PAK3: variants seen among roughly 807,000 people sequenced by gnomAD.
PAK3 encodes serine/threonine-protein kinase PAK 3.
PAK3 carries 4 observed loss-of-function variants against 41.0 expected under a neutral mutation model. The observed-to-expected ratio is 0.10, with a 90% CI of 0.05 to 0.22. The LOEUF is 0.22. Among genes scored for constraint, PAK3 ranks in the 10% least tolerant of loss-of-function variants. The probability of loss-of-function intolerance (pLI) is 1.00; values close to 1 mark genes in which losing one functional copy is unlikely to be tolerated. For synonymous variants in PAK3, 146 were observed against 139.6 expected, an observed-to-expected ratio of 1.05 and a Z score of -0.32; for missense variants, 205 against 409.9, an observed-to-expected ratio of 0.50 and a Z score of 4.32.
chrX:111,163,126 G>A, intron 9 of PAK3, 80 bp downstream of exon 9: 1 of 945,491 alleles, frequency 1.1e-6, no homozygotes, highest in Non-Finnish European at 1.5e-6. Flanking sequence ...TAGTTAATCA[G>A]CTAGTACCTA....
intron 1 of PAK3, among the ~76,000 whole-genome samples, chrX:111,001,316 A>G (rs990157909): frequency 8.9e-5 from 10 of 112,267 alleles, no homozygotes; most frequent in African/African-American, 3.2e-4. Flanking sequence ...GCAGGGAAGT[A>G]AAATCGCTGA....
At chrX:111,004,290 G>T (rs1229382020) in intron 1 of PAK3, among the ~76,000 whole-genome samples, 2 of 111,598 alleles carry the variant, frequency 1.8e-5, no homozygotes, top group African/African-American at 3.3e-5. Flanking sequence ...GGGATAGAGA[G>T]AGTTAAGAAG....
chrX:111,127,229 C>T (rs191507115), intron 5 of PAK3, among the ~76,000 whole-genome samples: 10 of 111,480 alleles, frequency 9.0e-5, no homozygotes, highest in African/African-American at 2.9e-4. Flanking sequence ...AGGATGACAT[C>T]ATGGTTTAGT....
At chrX:111,171,683 T>C (rs1284115936) in intron 10 of PAK3, among the ~76,000 whole-genome samples, 1 of 111,987 alleles carries the variant, frequency 8.9e-6, no homozygotes, top group East Asian at 2.8e-4. Context: ...AGTAGATTAG[T>C]GGTTGCCTAG....
At chrX:111,075,376 G>T (rs180950934) in intron 1 of PAK3, among the ~76,000 whole-genome samples, 1 of 112,699 alleles carries the variant, frequency 8.9e-6, no homozygotes, top group Non-Finnish European at 1.9e-5. Flanking sequence ...GCTGCTTCTT[G>T]CATCCCTACT....
In PAK3 at chrX:111,221,726, T is replaced by C. The variant is rs1375613879; in HGVS notation, c.*1279T>C. On this transcript the variant is annotated 3_prime_UTR_variant, in exon 18 of 18. Transcript: ENST00000372007. The stretch of plus-strand genomic sequence containing the variant: ...ATCAATATTTGGCTCTAAGTACCTC[T>C]TCCCATTTTTCCTATGTATCACCTA... The C allele has an allele frequency of 8.9e-6, 1 of 111,880 alleles. No individual in the cohort carries two copies. The highest frequency in any genetic ancestry group is 3.2e-5 in the African/African-American group (1 of 30,842). The allele number at this position is 111,880 out of a possible 1,213,427, so 9.2% of individuals were successfully genotyped here. A position where few individuals can be genotyped will look rare whatever the true frequency, so the allele number is the denominator to read the frequency against.
chrX:111,188,778 A>ATGT (rs2149305865), intron 11 of PAK3, among the ~76,000 whole-genome samples: 1 of 112,355 alleles, frequency 8.9e-6, no homozygotes, highest in South Asian at 3.7e-4. Flanking sequence ...TGCCATGCAC[A>ATGT]ATCTCTACAT....
intron 1 of PAK3, among the ~76,000 whole-genome samples, chrX:111,021,116 C>A (rs1237307165): frequency 8.9e-6 from 1 of 111,757 alleles, no homozygotes; most frequent in Non-Finnish European, 1.9e-5. Context: ...AGCTCTATTG[C>A]CCTTCCTACC....
chrX:111,008,032 T>C (rs2091957790), intron 1 of PAK3, among the ~76,000 whole-genome samples: 1 of 112,214 alleles, frequency 8.9e-6, no homozygotes, highest in African/African-American at 3.2e-5. Flanking sequence ...ACTGACTTCA[T>C]AGAGTTGTGA....
At chrX:111,025,542 G>A (rs1358990592) in intron 1 of PAK3, among the ~76,000 whole-genome samples, 1 of 110,774 alleles carries the variant, frequency 9.0e-6, no homozygotes, top group Non-Finnish European at 1.9e-5. Context: ...AAAACCTAGA[G>A]GAAATGGATA....
intron 1 of PAK3, among the ~76,000 whole-genome samples, chrX:110,944,841 T>C (rs2090575518): frequency 8.9e-6 from 1 of 112,161 alleles, no homozygotes; most frequent in Non-Finnish European, 1.9e-5. Context: ...GCACTGAAGC[T>C]GCCCGGACTC....
chrX:111,202,205 G>A (rs1299126164), intron 16 of PAK3, among the ~76,000 whole-genome samples: 1 of 111,796 alleles, frequency 8.9e-6, no homozygotes, highest in Non-Finnish European at 1.9e-5. Context: ...TTAATGCAAT[G>A]AATTAACTAC....
chrX:111,070,721 T>C (rs1442927041), intron 1 of PAK3, among the ~76,000 whole-genome samples: 1 of 112,266 alleles, frequency 8.9e-6, no homozygotes, highest in Non-Finnish European at 1.9e-5. Flanking sequence ...ATCTCCATTT[T>C]ATAGGTGAGG....
intron 1 of PAK3, among the ~76,000 whole-genome samples, chrX:111,006,789 T>C (rs1010790946): frequency 2.6e-4 from 28 of 108,525 alleles, no homozygotes; most frequent in Non-Finnish European, 4.6e-4. Flanking sequence ...AAGTCTGTAG[T>C]GGGACCTGAG....
chrX:110,997,201 TG>T (rs1012305341), intron 1 of PAK3, among the ~76,000 whole-genome samples: 3 of 110,011 alleles, frequency 2.7e-5, no homozygotes, highest in Non-Finnish European at 5.7e-5. Flanking sequence ...TTAATGGGGT[TG>T]GGGGGGCAGG....
chrX:111,149,591 C>G (rs973292204), intron 7 of PAK3, among the ~76,000 whole-genome samples: 8 of 112,502 alleles, frequency 7.1e-5, no homozygotes, highest in Non-Finnish European at 1.5e-4. Flanking sequence ...AGGCTCAACA[C>G]CACGTGGAAG....
chrX:111,081,895 CTAGCTT>C (rs1437967195), intron 1 of PAK3, among the ~76,000 whole-genome samples: 51 of 111,352 alleles, frequency 4.6e-4, no homozygotes, highest in African/African-American at 1.7e-3. Context: ...GGATATAGTT[CTAGCTT>C]TGTATCTTCT....
chrX:111,202,472 A>G (rs943201396), intron 16 of PAK3, among the ~76,000 whole-genome samples: 79 of 111,480 alleles, frequency 7.1e-4, no homozygotes, highest in African/African-American at 2.5e-3. Context: ...GCAGCCTCCA[A>G]TAATTAAGTA....
At chrX:111,094,563 T>C (rs2092954334), upstream of PAK3, among the ~76,000 whole-genome samples, 2 of 111,168 alleles carry the variant, frequency 1.8e-5, no homozygotes, top group Non-Finnish European at 3.8e-5. Flanking sequence ...ATAGAGTGGA[T>C]CATTGTTGTT....
Sources: gnomAD v4.1 joint callset for allele counts (sites outside exome capture counted in the v4.1 genomes callset) on GRCh38, gnomAD v4.1.1 for gene constraint, MANE v1.5 for transcripts, NCBI Gene and HGNC (gene_info 2026-07-23, HGNC 2026-07-21) for gene names.